CEP63: variants seen among roughly 807,000 people sequenced by gnomAD.
CEP63 encodes centrosomal protein of 63 kDa.
CEP63 carries 84 observed loss-of-function variants against 89.1 expected under a neutral mutation model. That is an observed-to-expected ratio of 0.94 (90% confidence interval 0.79 to 1.13). The LOEUF is 1.13. CEP63 is among the 50% of genes most tolerant of loss of function. The probability of loss-of-function intolerance (pLI) is 0.00; values close to 1 mark genes in which losing one functional copy is unlikely to be tolerated. For missense variants in CEP63, 838 were observed against 813.3 expected, an observed-to-expected ratio of 1.03 and a Z score of -0.37; for synonymous variants, 267 against 272.5, an observed-to-expected ratio of 0.98 and a Z score of 0.20.
the CEP63 span, among the ~76,000 whole-genome samples, chr3:134,653,541 C>T: frequency 6.6e-6 from 1 of 152,204 alleles, no homozygotes; most frequent in Non-Finnish European, 1.5e-5. Context: ...ACTCTATTCC[C>T]ATCCTTGGCC....
exon 12 of CEP63, chr3:134,574,815 C>A: frequency 1.6e-6 from 1 of 615,516 alleles, no homozygotes; most frequent in Non-Finnish European, 3.0e-6. Flanking sequence ...ACCATGTTGT[C>A]CAGTCTGGTT....
chr3:134,602,136 G>A, the CEP63 span, among the ~76,000 whole-genome samples: 1 of 152,172 alleles, frequency 6.6e-6, no homozygotes, highest in Non-Finnish European at 1.5e-5. Flanking sequence ...CAGGGGTTGG[G>A]GGGCACTGAG....
At chr3:134,673,461 C>G in the CEP63 span, among the ~76,000 whole-genome samples, 1 of 152,166 alleles carries the variant, frequency 6.6e-6, no homozygotes, top group Admixed American at 6.5e-5. Flanking sequence ...AAATGGCTCT[C>G]TCACTACCTC....
chr3:134,573,175 G>A (rs546154139), intron 11 of CEP63, among the ~76,000 whole-genome samples: 108 of 152,246 alleles, frequency 7.1e-4, no homozygotes, highest in Middle Eastern at 3.4e-3. Flanking sequence ...TTGTCAGATT[G>A]TTTAGTTTGA....
chr3:134,495,213 C>T, intron 1 of CEP63, 83 bp from the exon 2 acceptor site: 1 of 972,364 alleles, frequency 1.0e-6, no homozygotes, highest in Non-Finnish European at 1.7e-6. Flanking sequence ...TGTATGCTTT[C>T]ATTCACATTC....
chr3:134,650,804 C>G, the CEP63 span: 9 of 1,553,660 alleles, frequency 5.8e-6, no homozygotes, highest in East Asian at 4.7e-5. Context: ...GACCCGGGGA[C>G]CCGGGTCGGG....
At chr3:134,731,373 G>A in the CEP63 span, among the ~76,000 whole-genome samples, 5 of 151,990 alleles carry the variant, frequency 3.3e-5, no homozygotes, top group Non-Finnish European at 7.4e-5. Context: ...CATTAATTAG[G>A]TCTCCATACA....
the CEP63 span, chr3:134,610,359 G>T: frequency 8.1e-6 from 13 of 1,612,944 alleles, no homozygotes; most frequent in Non-Finnish European, 1.1e-5. Flanking sequence ...AGCCAGGCAC[G>T]GTCATACACT....
chr3:134,611,272 T>C, the CEP63 span, among the ~76,000 whole-genome samples: 2 of 152,192 alleles, frequency 1.3e-5, no homozygotes. Flanking sequence ...AAGATGGGCA[T>C]GGGTCACCTC....
chr3:134,635,089 C>A, the CEP63 span, among the ~76,000 whole-genome samples: 2 of 152,198 alleles, frequency 1.3e-5, no homozygotes, highest in African/African-American at 4.8e-5. Context: ...CACACAAAAA[C>A]CTGTACACAA....
chr3:134,513,545 C>T (rs1016191690), intron 3 of CEP63, among the ~76,000 whole-genome samples: 2 of 152,032 alleles, frequency 1.3e-5, no homozygotes, highest in Admixed American at 1.3e-4. Context: ...GGGATCTGGG[C>T]TGGGCAAGCG....
chr3:134,522,467 TA>T (rs987264135), intron 3 of CEP63, among the ~76,000 whole-genome samples: 1 of 152,250 alleles, frequency 6.6e-6, no homozygotes, highest in Non-Finnish European at 1.5e-5. Flanking sequence ...TTTCTTTTTT[TA>T]AAATTTAAAT....
intron 7 of CEP63, 72 bp downstream of exon 7, chr3:134,545,891 A>C: frequency 1.7e-6 from 2 of 1,156,290 alleles, no homozygotes; most frequent in Non-Finnish European, 2.5e-6. Flanking sequence ...ATTAAGCTAG[A>C]ACTAGGTTCT....
At chr3:134,699,710 C>G in the CEP63 span, among the ~76,000 whole-genome samples, 2 of 152,232 alleles carry the variant, frequency 1.3e-5, no homozygotes, top group Admixed American at 1.3e-4. Flanking sequence ...GCTATCCAAT[C>G]TCAGCTCATA....
At chr3:134,776,091 C>T in the CEP63 span, among the ~76,000 whole-genome samples, 2 of 152,236 alleles carry the variant, frequency 1.3e-5, no homozygotes, top group Non-Finnish European at 2.9e-5. Context: ...CTCTGACTTA[C>T]ATTTTCTTCC....
At chr3:134,607,705 G>A in the CEP63 span, 1 of 985,852 alleles carries the variant, frequency 1.0e-6, no homozygotes, top group South Asian at 4.7e-5. Flanking sequence ...GCCTCAGAGT[G>A]TGCAAACATA....
At chr3:134,608,566 C>T in the CEP63 span, 24 of 1,611,146 alleles carry the variant, frequency 1.5e-5, no homozygotes, top group South Asian at 8.8e-5. Flanking sequence ...GCCTTGAAAG[C>T]GCAGTCTCAG....
Position 134,564,777 on chromosome 3 carries a change from A to G in CEP63, c.*3242A>G, listed in dbSNP as rs1957663538. ...CCAAGCTTCAGCTTAAAATCTGTAGACTGCAGCCCGTTTCTGAAACGTTTG... is the reference window on the plus strand; with the variant it reads ...CCAAGCTTCAGCTTAAAATCTGTAGGCTGCAGCCCGTTTCTGAAACGTTTG... On this transcript the variant is annotated 3_prime_UTR_variant, in exon 15 of 15. Transcript: ENST00000675561. 1.0e-6 allele frequency: 1 copy of G among 985,452 alleles called. No individual in the cohort carries two copies. Among genetic ancestry groups the G allele is most frequent in the Non-Finnish European group, 1.2e-6 (1 of 829,934 alleles). The allele number at this position is 985,452 out of a possible 1,614,324, so 61.0% of individuals were successfully genotyped here.
At chr3:134,694,475 C>T in the CEP63 span, among the ~76,000 whole-genome samples, 1 of 152,230 alleles carries the variant, frequency 6.6e-6, no homozygotes, top group African/African-American at 2.4e-5. Flanking sequence ...CTCATCTTCA[C>T]TCTTCTTCAT....
Sources: allele counts gnomAD v4.1 joint callset (sites outside exome capture counted in the v4.1 genomes callset), GRCh38; gene constraint gnomAD v4.1.1; transcripts MANE v1.5; gene names NCBI Gene and HGNC (gene_info 2026-07-23, HGNC 2026-07-21).